The following MRAP2 variants were observed in gnomAD, a reference collection of about 807,000 sequenced individuals.
The protein encoded by MRAP2 is melanocortin-2 receptor accessory protein 2.
MRAP2 carries 20 observed loss-of-function variants against 17.4 expected under a neutral mutation model. That is an observed-to-expected ratio of 1.15 (90% CI 0.81 to 1.67). The LOEUF (loss-of-function observed/expected upper bound fraction) is 1.67. MRAP2 is among the 40% of genes most tolerant of loss of function. The probability of loss-of-function intolerance (pLI) is 0.00; values close to 1 mark genes in which losing one functional copy is unlikely to be tolerated. For missense variants in MRAP2, 238 were observed against 240.0 expected (o/e 0.99, Z 0.05); for synonymous variants, 96 against 88.4 (o/e 1.09, Z -0.48).
intron 3 of MRAP2, among the ~76,000 whole-genome samples, chr6:84,082,875 C>G (rs564444631): frequency 3.3e-5 from 5 of 151,978 alleles, no homozygotes; most frequent in African/African-American, 1.2e-4. Flanking sequence ...TGCCACAGTA[C>G]CAGGCTTATC....
At chr6:84,106,553 G>T in the MRAP2 span, among the ~76,000 whole-genome samples, 1 of 152,228 alleles carries the variant, frequency 6.6e-6, no homozygotes, top group East Asian at 1.9e-4. Flanking sequence ...CCATGTTGTT[G>T]AGCCTATGCA....
chr6:84,046,480 G>A (rs1041935033), intron 1 of MRAP2, among the ~76,000 whole-genome samples: 1 of 152,064 alleles, frequency 6.6e-6, no homozygotes, highest in African/African-American at 2.4e-5. Flanking sequence ...AGAAGGTAAA[G>A]CTTATAAAAA....
chr6:84,062,076 T>A (rs1212330788), intron 2 of MRAP2: 1 of 985,356 alleles, frequency 1.0e-6, no homozygotes, highest in Non-Finnish European at 1.2e-6. Flanking sequence ...TAAGTGAGAA[T>A]GCAAAGTTGC....
At chr6:84,120,178 G>C in the MRAP2 span, among the ~76,000 whole-genome samples, 1 of 152,178 alleles carries the variant, frequency 6.6e-6, no homozygotes. Flanking sequence ...GCTCCAGAGA[G>C]GGCAAATTTG....
chr6:84,051,977 G>T (rs1315730016), intron 1 of MRAP2, among the ~76,000 whole-genome samples: 1 of 152,226 alleles, frequency 6.6e-6, no homozygotes, highest in Non-Finnish European at 1.5e-5. Context: ...GAAAAGGTAA[G>T]CTTCCTTTCA....
chr6:84,143,514 C>T, the MRAP2 span, among the ~76,000 whole-genome samples: 260 of 151,640 alleles, frequency 1.7e-3, 1 homozygote, highest in Middle Eastern at 3.5e-3. Context: ...GATGTGTTTT[C>T]GTTAAGGGAA....
At chr6:84,057,413 A>G (rs2099491965) in intron 2 of MRAP2, among the ~76,000 whole-genome samples, 1 of 152,218 alleles carries the variant, frequency 6.6e-6, no homozygotes, top group African/African-American at 2.4e-5. Flanking sequence ...ACTTGGCAAC[A>G]ATAGCTCCAT....
downstream of MRAP2, among the ~76,000 whole-genome samples, chr6:84,091,239 C>CTTTTT (rs34508361): frequency 7.4e-5 from 8 of 108,052 alleles, no homozygotes; most frequent in African/African-American, 2.4e-4. Context: ...AGTTTGTTAA[C>CTTTTT]TTTTTTTTTT....
intron 3 of MRAP2, among the ~76,000 whole-genome samples, chr6:84,069,134 A>G (rs1398627734): frequency 6.6e-6 from 1 of 151,608 alleles, no homozygotes; most frequent in Non-Finnish European, 1.5e-5. Flanking sequence ...TTCCAGTACT[A>G]TGTTGAAGAG....
intron 3 of MRAP2, among the ~76,000 whole-genome samples, chr6:84,067,380 C>T (rs1388892345): frequency 1.3e-5 from 2 of 152,140 alleles, no homozygotes; most frequent in African/African-American, 4.8e-5. Flanking sequence ...GACTTCTTTT[C>T]TTCTGGGTAG....
At position 84,055,384 on chromosome 6, in the gene MRAP2, C is replaced by A; in HGVS notation, c.66C>A (p.Thr22=). Residue 22 remains threonine (T), a synonymous_variant, in exon 2 of 4, where the codon ACC becomes ACA. Transcript: ENST00000257776. ...SQQSASNSDY[T]WEYEYYEIGP... is the part of the protein sequence containing the mutation. ...AATCGGCATCTAATTCTGATTACAC[C>A]TGGGAATATGAATATTATGAGATTG... 3.7e-6 allele frequency: 6 copies of A among 1,613,414 alleles called. No homozygotes were observed. Among genetic ancestry groups the A allele is most frequent in the Non-Finnish European group, 5.1e-6 (6 of 1,179,596 alleles).
rs111285682 is a variant in MRAP2, at chr6:84,043,236, G to A, written c.-8+9353G>A. 6.5e-3 allele frequency among the ~76,000 whole-genome samples: 991 copies of A among 152,318 alleles called. 17 individuals are homozygous for A. The highest frequency in any genetic ancestry group is 0.022 in the African/African-American group (923 of 41,568). On this transcript the variant is annotated intron_variant, in intron 1 of 3. Transcript: ENST00000257776. ...AAGTTTTAATTCACCTAGTCAGGCC[G>A]TTTTAGAATAGCAGCTATATAAAAC... is the stretch of plus-strand genomic sequence containing the variant.
At chr6:84,133,443 T>C in the MRAP2 span, among the ~76,000 whole-genome samples, 339 of 152,334 alleles carry the variant, frequency 2.2e-3, 1 homozygote, top group Middle Eastern at 6.8e-3. Flanking sequence ...TGTTTGGCTA[T>C]GCCCTGCCCC....
chr6:84,056,903 A>G (rs1378266911), intron 2 of MRAP2, among the ~76,000 whole-genome samples: 3 of 152,240 alleles, frequency 2.0e-5, no homozygotes. Context: ...CATTCTAGAA[A>G]TAATTATAGC....
intron 2 of MRAP2, chr6:84,062,497 A>G (rs1431881101): frequency 3.1e-6 from 3 of 970,206 alleles, no homozygotes; most frequent in East Asian, 1.1e-4. Flanking sequence ...TAATTTGTCT[A>G]AAGTTTTTCT....
At chr6:84,083,436 A>G (rs1051869785) in intron 3 of MRAP2, among the ~76,000 whole-genome samples, 2 of 152,224 alleles carry the variant, frequency 1.3e-5, no homozygotes, top group Admixed American at 6.5e-5. Flanking sequence ...GTATTTTGCC[A>G]ATAACTCAGA....
the MRAP2 span, among the ~76,000 whole-genome samples, chr6:84,108,448 T>A: frequency 6.6e-6 from 1 of 152,168 alleles, no homozygotes; most frequent in Non-Finnish European, 1.5e-5. Context: ...AGTTTTTTTT[T>A]TTATATGTGT....
the MRAP2 span, among the ~76,000 whole-genome samples, chr6:84,139,888 A>G: frequency 4.4e-5 from 6 of 136,738 alleles, no homozygotes; most frequent in South Asian, 1.3e-3. Flanking sequence ...AGGACAGAAC[A>G]CAGACATAGG....
the MRAP2 span, among the ~76,000 whole-genome samples, chr6:84,133,124 CA>C: frequency 6.6e-6 from 1 of 152,144 alleles, no homozygotes; most frequent in African/African-American, 2.4e-5. Context: ...GCTTGAGGTC[CA>C]CTCCAGACAC....
Sources: allele counts gnomAD v4.1 joint callset (sites outside exome capture counted in the v4.1 genomes callset), GRCh38; gene constraint gnomAD v4.1.1; transcripts MANE v1.5; gene names NCBI Gene and HGNC (gene_info 2026-07-23, HGNC 2026-07-21).